Variants in GNRHR observed in about 807,000 individuals in gnomAD.
GNRHR encodes the protein gonadotropin-releasing hormone receptor.
In GNRHR, 14 loss-of-function variants were observed where a neutral mutation model predicts 28.1. The ratio of observed to expected loss-of-function variants is 0.50; its 90% confidence interval spans 0.33 to 0.78. GNRHR has a LOEUF of 0.78. Ranked by LOEUF, GNRHR falls within the 30% of genes least tolerant of loss-of-function variation. The pLI, the probability that GNRHR is intolerant of heterozygous loss-of-function variation, is 0.02. For missense variants in GNRHR, 366 were observed against 382.1 expected, an observed-to-expected ratio of 0.96 and a Z score of 0.35; for synonymous variants, 141 against 140.5, an observed-to-expected ratio of 1.00 and a Z score of -0.02.
At chr4:67,743,908 A>T (rs1731707321) in intron 2 of GNRHR, among the ~76,000 whole-genome samples, 1 of 152,190 alleles carries the variant, frequency 6.6e-6, no homozygotes, top group South Asian at 2.1e-4. Context: ...AATTAAGATG[A>T]TTTCCCTGAT....
rs1162858476 is a variant in GNRHR at position 67,739,143 on chromosome 4, A to G, written c.*1337T>C. ...CTTTTAAGACTCTTATGTTTTTCAC[A>G]TTAAATGGGTATTATACTCCCATTA... On this transcript the variant is annotated 3_prime_UTR_variant, in exon 3 of 3. Transcript: ENST00000226413. Among the ~76,000 whole-genome samples, 4 of 151,998 alleles carry G rather than the reference A, an allele frequency of 2.6e-5. No homozygotes were observed.
At chr4:67,740,749 T>C (rs946701660) in intron 2 of GNRHR, 25 bp from the exon 3 acceptor site, 3 of 1,599,604 alleles carry the variant, frequency 1.9e-6, no homozygotes, top group Non-Finnish European at 2.6e-6. Context: ...AAAGAGCAGG[T>C]GTTTAAAGAT....
rs188272653 is a variant in GNRHR at position 67,753,935 on chromosome 4, A to C, written c.401T>G (p.Val134Gly). 14 of 1,613,910 alleles carry C rather than the reference A, an allele frequency of 8.7e-6. No homozygotes were observed. In the Admixed American group the frequency reaches 1.5e-4, roughly 17 times the overall value. Residue 134 changes from valine (V) to glycine (G), a missense_variant, in exon 1 of 3, where the codon GTG (valine) becomes GGG (glycine). Transcript: ENST00000226413. ...SMYAPAFMMVVISLDRSLAIT... is the reference protein window; with the variant it reads ...SMYAPAFMMVGISLDRSLAIT... ...AGCCAGGGAGCGGTCCAGGCTGATCACCACCATCATGAAGGCTGGGGCATA... is the reference window on the plus strand; with the variant it reads ...AGCCAGGGAGCGGTCCAGGCTGATCCCCACCATCATGAAGGCTGGGGCATA...
chr4:67,744,548 T>C lies in GNRHR; in HGVS notation c.742+20A>G. On this transcript the variant is annotated intron_variant, in intron 2 of 2. Transcript: ENST00000226413. ...TTTAAAAACTGCCCACAAATGACAC[T>C]AACTCTAAGGAATACATACCGTGGG... 1 of 1,424,420 alleles carries C rather than the reference T, an allele frequency of 7.0e-7. No individual in the cohort carries two copies. Among genetic ancestry groups the C allele is most frequent in the Non-Finnish European group, 9.9e-7 (1 of 1,006,834 alleles). 88.2% of individuals were successfully genotyped at this position (1,424,420 alleles called of 1,614,324 possible).
At chr4:67,752,637 A>G (rs948877291) in intron 1 of GNRHR, among the ~76,000 whole-genome samples, 11 of 151,564 alleles carry the variant, frequency 7.3e-5, no homozygotes, top group African/African-American at 2.7e-4. Flanking sequence ...GAAATAAATC[A>G]TATATTTTTC....
intron 1 of GNRHR, among the ~76,000 whole-genome samples, chr4:67,749,548 C>A (rs1229891288): frequency 6.6e-6 from 1 of 152,066 alleles, no homozygotes; most frequent in East Asian, 1.9e-4. Flanking sequence ...ATTTACCACC[C>A]TAACCACAGA....
intron 2 of GNRHR, among the ~76,000 whole-genome samples, chr4:67,742,455 G>T (rs1303990212): frequency 6.7e-6 from 1 of 148,970 alleles, no homozygotes; most frequent in African/African-American, 2.4e-5. Flanking sequence ...TCTCAACTGT[G>T]TGCTTCTTTC....
intron 2 of GNRHR, among the ~76,000 whole-genome samples, chr4:67,743,870 T>C (rs1417585173): frequency 6.6e-6 from 1 of 152,192 alleles, no homozygotes; most frequent in Non-Finnish European, 1.5e-5. Flanking sequence ...CTTTTGAAAA[T>C]ATCTACTGAG....
At chr4:67,753,763 T>C (rs1370093348) in intron 1 of GNRHR, 51 bp downstream of exon 1, 2 of 1,455,356 alleles carry the variant, frequency 1.4e-6, no homozygotes, top group Non-Finnish European at 9.6e-7. Flanking sequence ...CAAATTTAGA[T>C]AGGAAATCTA....
rs1731563300 is a variant in GNRHR, at chr4:67,737,212, A to C, written c.*3268T>G. On this transcript the variant is annotated 3_prime_UTR_variant, in exon 3 of 3. Coordinates refer to ENST00000226413, the MANE Select transcript of GNRHR (RefSeq NM_000406.3). The stretch of plus-strand genomic sequence containing the variant: ...GAATTACAGGAATTCACAAGGAAGA[A>C]ATTTTTAAGAAATCATGCAGATAAC... Among the ~76,000 whole-genome samples, 1 of 152,064 alleles carries C rather than the reference A, an allele frequency of 6.6e-6. No homozygotes were observed.
In GNRHR at chr4:67,740,481, C is replaced by A. The variant is rs200243831; in HGVS notation, c.986G>T (p.Ter329LeuextTer22). 6.9e-6 allele frequency: 11 copies of A among 1,600,130 alleles called. No homozygotes were observed. In the Admixed American group the frequency reaches 1.8e-4, roughly 27 times the overall value. Residue 329 changes from the stop codon to leucine, a stop_lost, in exon 3 of 3, where the codon TGA becomes TTA. Coordinates refer to ENST00000226413, the MANE Select transcript of GNRHR (RefSeq NM_000406.3). ...ATGACTTCTTGTGTAGTCTATCAATCACAGAGAAAAATATCCATAGATAAG... is the reference window on the plus strand; with the variant it reads ...ATGACTTCTTGTGTAGTCTATCAATAACAGAGAAAAATATCCATAGATAAG... ...DPLIYGYFSL[*>L]
At chr4:67,749,504 A>G (rs1429471655) in intron 1 of GNRHR, among the ~76,000 whole-genome samples, 2 of 152,144 alleles carry the variant, frequency 1.3e-5, no homozygotes, top group African/African-American at 2.4e-5. Flanking sequence ...ATACGGGCAC[A>G]TCTAATTTAG....
In GNRHR at chr4:67,737,787, G is replaced by A. The variant is rs937752979; in HGVS notation, c.*2693C>T. ...ATTTTTAACTAGTTTTATAGGCTAA[G>A]TAAAGGAAGAGAAACCAAGATAGAA... is the stretch of plus-strand genomic sequence containing the variant. On this transcript the variant is annotated 3_prime_UTR_variant, in exon 3 of 3. Coordinates refer to ENST00000226413, the MANE Select transcript of GNRHR (RefSeq NM_000406.3). 6.6e-6 allele frequency among the ~76,000 whole-genome samples: 1 copy of A among 151,866 alleles called. No homozygotes were observed. The highest frequency in any genetic ancestry group is 1.5e-5 in the Non-Finnish European group (1 of 67,834).
At position 67,738,801 on chromosome 4, in the gene GNRHR, G is replaced by C. The variant is rs1731600243; in HGVS notation, c.*1679C>G. On this transcript the variant is annotated 3_prime_UTR_variant, in exon 3 of 3. Transcript: ENST00000226413. ...CAACTGTAGAACTGGGCCATGAATTGGTTAATTAAAGGTATGAGTTTAATG... is the reference window on the plus strand; with the variant it reads ...CAACTGTAGAACTGGGCCATGAATTCGTTAATTAAAGGTATGAGTTTAATG... Among the ~76,000 whole-genome samples, 2 of 151,818 alleles carry C rather than the reference G, an allele frequency of 1.3e-5. No homozygotes were observed. The highest frequency in any genetic ancestry group is 2.9e-5 in the Non-Finnish European group (2 of 67,860).
chr4:67,753,624 C>T (rs1157745712), intron 1 of GNRHR, 190 bp downstream of exon 1: 4 of 603,804 alleles, frequency 6.6e-6, no homozygotes, highest in African/African-American at 1.9e-5. Context: ...GGTAAAGGAA[C>T]TGAAACCAGA....
intron 1 of GNRHR, among the ~76,000 whole-genome samples, chr4:67,750,872 A>T (rs1482958437): frequency 6.6e-6 from 1 of 152,204 alleles, no homozygotes; most frequent in Non-Finnish European, 1.5e-5. Flanking sequence ...GAAGCATGAG[A>T]CACACTCATC....
At chr4:67,751,181 A>G (rs1489034823) in intron 1 of GNRHR, among the ~76,000 whole-genome samples, 5 of 152,334 alleles carry the variant, frequency 3.3e-5, no homozygotes, top group African/African-American at 1.2e-4. Context: ...ATTTTTTCTC[A>G]GTTATATGTG....
chr4:67,748,593 G>A (rs1731805762), intron 1 of GNRHR, among the ~76,000 whole-genome samples: 1 of 151,908 alleles, frequency 6.6e-6, no homozygotes, highest in Admixed American at 6.6e-5. Flanking sequence ...TGTTCACTGG[G>A]CAGAGTTGGG....
intron 1 of GNRHR, among the ~76,000 whole-genome samples, chr4:67,748,824 A>C (rs1731813989): frequency 6.6e-6 from 1 of 151,852 alleles, no homozygotes; most frequent in Middle Eastern, 3.2e-3. Flanking sequence ...AAATATACTG[A>C]TATACTGAGA....
Sources: allele counts gnomAD v4.1 joint callset (sites outside exome capture counted in the v4.1 genomes callset), GRCh38; gene constraint gnomAD v4.1.1; transcripts MANE v1.5; gene names NCBI Gene and HGNC (gene_info 2026-07-23, HGNC 2026-07-21).